The following CLPX variants were observed in gnomAD, a reference collection of about 807,000 sequenced individuals.
The protein encoded by CLPX is caseinolytic mitochondrial matrix peptidase chaperone subunit X, also known as ATP-dependent clpX-like chaperone, mitochondrial.
CLPX carries 34 observed loss-of-function variants against 76.4 expected under a neutral mutation model. That is an observed-to-expected ratio of 0.45 (90% CI 0.34 to 0.59). The LOEUF is 0.59. CLPX is among the 20% of genes least tolerant of loss of function. The pLI is 0.01. For missense variants in CLPX, 613 were observed against 757.0 expected, an observed-to-expected ratio of 0.81 and a Z score of 2.23; for synonymous variants, 248 against 270.9, an observed-to-expected ratio of 0.92 and a Z score of 0.83.
chr15:65,151,153 T>C (rs2087713992), intron 13 of CLPX, among the ~76,000 whole-genome samples: 1 of 151,940 alleles, frequency 6.6e-6, no homozygotes, highest in South Asian at 2.1e-4. Context: ...GAGACCTGCC[T>C]GGCCAACATG....
Position 65,185,256 on chromosome 15 carries a change from G to A in CLPX, c.-103C>T. 1 of 935,654 alleles carries A rather than the reference G, an allele frequency of 1.1e-6. No individual in the cohort carries two copies. The highest frequency in any genetic ancestry group is 1.6e-6 in the Non-Finnish European group (1 of 608,044). The allele number at this position is 935,654 out of a possible 1,614,324, so 58.0% of individuals were successfully genotyped here. ...CGCTGACTCGGTTCCGAACCCTTTC[G>A]CGGGCCCTAGACCCCGTGGAGAGTT... On this transcript the variant is annotated 5_prime_UTR_variant, in exon 1 of 14. Coordinates refer to ENST00000300107, the MANE Select transcript of CLPX (RefSeq NM_006660.5).
intron 5 of CLPX, among the ~76,000 whole-genome samples, chr15:65,162,973 C>T (rs2946672): frequency 0.79 from 120,245 of 152,170 alleles, 47,713 homozygotes; most frequent in East Asian, 1. Flanking sequence ...GCTTAAATAT[C>T]TATTTATTAC....
At chr15:65,166,580 T>C (rs2087915960) in intron 4 of CLPX, 51 bp downstream of exon 4, 9 of 1,574,874 alleles carry the variant, frequency 5.7e-6, no homozygotes, top group Non-Finnish European at 7.8e-6. Context: ...AGGGAAGCAA[T>C]GGAATGTTTT....
intron 3 of CLPX, among the ~76,000 whole-genome samples, chr15:65,175,663 G>C (rs72729058): frequency 0.013 from 2,038 of 152,236 alleles, 39 homozygotes; most frequent in Non-Finnish European, 0.018. Context: ...AATCTGAAAT[G>C]CTCCAATGGA....
chr15:65,171,765 G>A (rs1487714488), intron 3 of CLPX, among the ~76,000 whole-genome samples: 2 of 152,206 alleles, frequency 1.3e-5, no homozygotes, highest in Non-Finnish European at 2.9e-5. Context: ...GAGAGCACAA[G>A]TACAAAATAT....
At chr15:65,181,663 G>T (rs1163325061) in intron 1 of CLPX, among the ~76,000 whole-genome samples, 4 of 151,678 alleles carry the variant, frequency 2.6e-5, no homozygotes, top group African/African-American at 4.8e-5. Flanking sequence ...TGAGGCAGGG[G>T]AATCACTTGA....
In CLPX at chr15:65,181,733, A is replaced by C. The variant is rs186033454; in HGVS notation, c.80-1529T>G. On this transcript the variant is annotated intron_variant, in intron 1 of 13. Coordinates refer to ENST00000300107, the MANE Select transcript of CLPX (RefSeq NM_006660.5). ...CACTGTACTCCAGCCTGTGCAACGG[A>C]GCGAGGCTCTGTCGCAAAATAAATA... is the stretch of plus-strand genomic sequence containing the variant. Among the ~76,000 whole-genome samples, 698 of 150,260 alleles carry C rather than the reference A, an allele frequency of 4.6e-3. 11 individuals carry two copies. Among genetic ancestry groups the C allele is most frequent in the Admixed American group, 0.037 (555 of 14,834 alleles).
Position 65,156,902 on chromosome 15 carries a change from A to G in CLPX, c.1088T>C (p.Ile363Thr), listed in dbSNP as rs1477049807. ...TTGATGAATGCCTGGCACACTGCCA[A>G]TCTTATCTACTTCATCCAGAAAGAC... is the stretch of plus-strand genomic sequence containing the variant. The part of the protein sequence containing the change: ...GIVFLDEVDK[I>T]GSVPGIHQLR... The change falls in exon 9 of 14, where the codon ATT becomes ACT. Residue 363 changes from isoleucine (I) to threonine (T), a missense_variant. This residue lies in a region of CLPX where 450 missense variants were observed against 638.6 expected (regional missense o/e 0.70). Coordinates refer to ENST00000300107, the MANE Select transcript of CLPX (RefSeq NM_006660.5). The G allele has an allele frequency of 3.1e-6, 5 of 1,612,868 alleles. No individual in the cohort carries two copies. Among genetic ancestry groups the G allele is most frequent in the Middle Eastern group, 1.6e-4 (1 of 6,082 alleles).
At chr15:65,169,758 CTT>C (rs1204212863) in intron 3 of CLPX, among the ~76,000 whole-genome samples, 12 of 142,992 alleles carry the variant, frequency 8.4e-5, no homozygotes, top group Non-Finnish European at 6.2e-5. Context: ...GATATATTTA[CTT>C]TTTTTTTTTT....
intron 3 of CLPX, among the ~76,000 whole-genome samples, chr15:65,167,071 GA>G (rs1197728354): frequency 3.3e-5 from 5 of 151,912 alleles, no homozygotes; most frequent in Admixed American, 6.6e-5. Context: ...CACTAAAAAA[GA>G]TTTTTTTTTT....
In CLPX at chr15:65,178,946, C is replaced by T; in HGVS notation, c.346G>A (p.Glu116Lys). 6.3e-7 allele frequency: 1 copy of T among 1,594,912 alleles called. No homozygotes were observed. The highest frequency in any genetic ancestry group is 8.6e-7 in the Non-Finnish European group (1 of 1,165,154). ...ATGTAATACTTACATACAAAGGTCT[C>T]TACATGTGTGCACAAGTCGCCACAT... ...PKCGDLCTHV[E>K]TFVSSTRFVK... The change falls in exon 3 of 14, where the codon GAG becomes AAG. Residue 116 changes from glutamate to lysine, a missense_variant. By Grantham distance (56) the Glu-to-Lys change is moderately conservative. This residue lies in a region of CLPX where 450 missense variants were observed against 638.6 expected (regional missense o/e 0.70). Transcript: ENST00000300107.
chr15:65,168,338 T>C (rs1033331682), intron 3 of CLPX, among the ~76,000 whole-genome samples: 2 of 116,532 alleles, frequency 1.7e-5, no homozygotes, highest in Admixed American at 2.5e-4. Context: ...GAGATGAGAT[T>C]GCACCACTGC....
At chr15:65,160,105 G>A (rs1409810476) in intron 6 of CLPX, among the ~76,000 whole-genome samples, 1 of 152,210 alleles carries the variant, frequency 6.6e-6, no homozygotes, top group Admixed American at 6.5e-5. Flanking sequence ...GAGACACCGC[G>A]CCTGGCCTAA....
intron 3 of CLPX, among the ~76,000 whole-genome samples, chr15:65,174,867 G>T (rs568584791): frequency 2.6e-5 from 4 of 152,086 alleles, no homozygotes; most frequent in African/African-American, 7.2e-5. Flanking sequence ...CCCACTGTTC[G>T]GGAGTCAACT....
intron 3 of CLPX, among the ~76,000 whole-genome samples, chr15:65,170,749 A>C (rs1182389328): frequency 6.6e-6 from 1 of 151,794 alleles, no homozygotes; most frequent in Non-Finnish European, 1.5e-5. Flanking sequence ...CAGCCTAGGC[A>C]ACAGAACTCT....
chr15:65,155,523 T>C (rs1027541357), intron 10 of CLPX, among the ~76,000 whole-genome samples, 169 bp downstream of exon 10: 4 of 152,176 alleles, frequency 2.6e-5, no homozygotes, highest in African/African-American at 4.8e-5. Flanking sequence ...ACTGGGATTA[T>C]AGGCATTGAG....
chr15:65,182,170 G>C (rs975821098), intron 1 of CLPX, among the ~76,000 whole-genome samples: 1 of 150,558 alleles, frequency 6.6e-6, no homozygotes, highest in South Asian at 2.1e-4. Flanking sequence ...AATTGAGGGA[G>C]AGTGACAGAT....
chr15:65,157,676 T>C lies in CLPX; in HGVS notation c.1057+70A>G, dbSNP rs566819699. 36 of 1,357,916 alleles carry C rather than the reference T, an allele frequency of 2.7e-5. No individual in the cohort carries two copies. The South Asian group carries it at 4.4e-4, about 17-fold the overall frequency. 84.1% of individuals were successfully genotyped at this position (1,357,916 alleles called of 1,614,324 possible). On this transcript the variant is annotated intron_variant, in intron 8 of 13. Transcript: ENST00000300107. ...AGTCCTTGACTCAAAACAAGAATTA[T>C]ATTGTCTCTTAATATTAGACTGATT...
chr15:65,176,940 GA>G (rs1011690554), intron 3 of CLPX, among the ~76,000 whole-genome samples: 7 of 148,492 alleles, frequency 4.7e-5, no homozygotes, highest in African/African-American at 1.5e-4. Context: ...TTTCTTTGAA[GA>G]AAAAAAAAGG....
Sources: allele counts gnomAD v4.1 joint callset (sites outside exome capture counted in the v4.1 genomes callset), GRCh38; gene constraint gnomAD v4.1.1; regional missense constraint gnomAD v4.1.1; transcripts MANE v1.5; gene names NCBI Gene and HGNC (gene_info 2026-07-23, HGNC 2026-07-21).